RBBP6: variants seen among roughly 807,000 people sequenced by gnomAD.
RBBP6 encodes the protein RB binding protein 6, ubiquitin ligase, also known as E3 ubiquitin-protein ligase RBBP6.
RBBP6 carries 25 observed loss-of-function variants against 167.7 expected under a neutral mutation model. The observed-to-expected ratio is 0.15, with a 90% CI of 0.11 to 0.21. The LOEUF (loss-of-function observed/expected upper bound fraction) is 0.21. Ranked by LOEUF, RBBP6 falls within the 10% of genes least tolerant of loss-of-function variation. RBBP6 has a pLI of 1.00. For missense variants in RBBP6, 1,868 were observed against 2,134.2 expected, an observed-to-expected ratio of 0.88 and a Z score of 2.46; for synonymous variants, 789 against 735.8, an observed-to-expected ratio of 1.07 and a Z score of -1.17.
rs1427665293 is a variant in RBBP6, at chr16:24,571,796, G to A, written c.4730G>A (p.Arg1577Lys). 2 of 1,613,816 alleles carry A rather than the reference G, an allele frequency of 1.2e-6. No individual in the cohort carries two copies. The highest frequency in any genetic ancestry group is 2.7e-5 in the African/African-American group (2 of 74,882). ...KDREKHVLEARNNKESSGNKL... is the reference protein window; with the variant it reads ...KDREKHVLEAKNNKESSGNKL... Reference sequence around the variant, plus strand: ...CGTGAGAAGCATGTATTAGAAGCAAGGAACAATAAAGAGTCAAGTGGCAAT... The same window carrying A: ...CGTGAGAAGCATGTATTAGAAGCAAAGAACAATAAAGAGTCAAGTGGCAAT... The change falls in exon 18 of 18, where the codon AGG becomes AAG. Residue 1577 changes from arginine to lysine, a missense_variant. Coordinates refer to ENST00000319715, the MANE Select transcript of RBBP6 (RefSeq NM_006910.5).
At chr16:24,555,574 G>T (rs1898893802) in intron 4 of RBBP6, 41 bp from the exon 5 acceptor site, 13 of 1,476,476 alleles carry the variant, frequency 8.8e-6, no homozygotes, top group Non-Finnish European at 1.2e-5. Flanking sequence ...GGTCTTAAAT[G>T]TGTTTCTAAT....
intron 3 of RBBP6, among the ~76,000 whole-genome samples, chr16:24,550,909 TAG>T (rs762371862): frequency 5.9e-5 from 9 of 152,000 alleles, no homozygotes; most frequent in Middle Eastern, 3.4e-3. Flanking sequence ...TTAGGAGATT[TAG>T]AGTCACGTGG....
At chr16:24,543,874 T>G (rs1420857347) in intron 1 of RBBP6, among the ~76,000 whole-genome samples, 1 of 152,124 alleles carries the variant, frequency 6.6e-6, no homozygotes, top group Non-Finnish European at 1.5e-5. Context: ...ATTCATTCTG[T>G]TTTTCATTTC....
rs1899265307 is a variant in RBBP6 at position 24,569,198 on chromosome 16, G to GTT, written c.2509_2510insTT (p.Trp837PhefsTer59). 6.2e-7 allele frequency: 1 copy of GTT among 1,613,664 alleles called. No individual in the cohort carries two copies. The highest frequency in any genetic ancestry group is 8.5e-7 in the Non-Finnish European group (1 of 1,179,942). ...GAGAATGGGAGAGAAAATATAGAGA[G>GTT]TGGTATGAAAAATATTATAAAGGTT... On this transcript the variant is annotated frameshift_variant, in exon 17 of 18. Transcript: ENST00000319715. LOFTEE classifies it high-confidence loss of function.
rs1899287806 is a variant in RBBP6 at position 24,570,020 on chromosome 16, G to A, written c.3330G>A (p.Val1110=). The change falls in exon 17 of 18, where the codon GTG becomes GTA. Residue 1110 remains valine (V), a synonymous_variant. Coordinates refer to ENST00000319715, the MANE Select transcript of RBBP6 (RefSeq NM_006910.5). ...CAAAACCAGTCAAAGAGGAAAAAGTGAAGAAGGACTATTCCAAAGATGTCA... is the reference window on the plus strand; with the variant it reads ...CAAAACCAGTCAAAGAGGAAAAAGTAAAGAAGGACTATTCCAAAGATGTCA... ...QETKPVKEEK[V]KKDYSKDVKS... 1.9e-6 allele frequency: 3 copies of A among 1,603,932 alleles called. No individual in the cohort carries two copies. Among genetic ancestry groups the A allele is most frequent in the South Asian group, 2.3e-5 (2 of 88,274 alleles).
At position 24,568,822 on chromosome 16, in the gene RBBP6, G is replaced by T. The variant is rs758145892; in HGVS notation, c.2132G>T (p.Arg711Leu). The T allele has an allele frequency of 6.2e-7, 1 of 1,614,178 alleles. No individual in the cohort carries two copies. The highest frequency in any genetic ancestry group is 1.6e-4 in the Middle Eastern group (1 of 6,062). ...TCTAAATCAAGATCTGGTTCAACAC[G>T]TTCACGCTCTTATTCTCGATCATTC... ...TYSKSRSGSTRSRSYSRSFSR... is the reference protein window; with the variant it reads ...TYSKSRSGSTLSRSYSRSFSR... Residue 711 changes from arginine to leucine, a missense_variant, in exon 17 of 18, where the codon CGT becomes CTT. Around this residue, in one of 7 missense-constraint regions of RBBP6, gnomAD observed 673 missense variants for 691.5 expected, o/e 0.97. Transcript: ENST00000319715.
chr16:24,544,516 A>G (rs1172760003), intron 1 of RBBP6, among the ~76,000 whole-genome samples: 1 of 152,236 alleles, frequency 6.6e-6, no homozygotes, highest in South Asian at 2.1e-4. Flanking sequence ...ATGCCTACAT[A>G]TGTGGTAAGC....
intron 2 of RBBP6, among the ~76,000 whole-genome samples, chr16:24,547,738 G>A (rs1898694402): frequency 6.6e-6 from 1 of 152,170 alleles, no homozygotes; most frequent in South Asian, 2.1e-4. Flanking sequence ...TTACAGGCGT[G>A]AGCCACCGCA....
chr16:24,545,466 GTGTA>G (rs1286430256), intron 1 of RBBP6, among the ~76,000 whole-genome samples: 1 of 152,126 alleles, frequency 6.6e-6, no homozygotes, highest in Non-Finnish European at 1.5e-5. Context: ...ATATAAATCA[GTGTA>G]TGGTCTATAC....
At chr16:24,543,861 C>T (rs374556243) in intron 1 of RBBP6, among the ~76,000 whole-genome samples, 3 of 152,048 alleles carry the variant, frequency 2.0e-5, no homozygotes, top group African/African-American at 2.4e-5. Context: ...CTCCATTTCT[C>T]GGATTCATTC....
At chr16:24,570,815 A>G (rs900002340) in intron 17 of RBBP6, 61 bp from the exon 18 acceptor site, 12 of 1,225,044 alleles carry the variant, frequency 9.8e-6, no homozygotes, top group Non-Finnish European at 1.2e-5. Flanking sequence ...TATATTTATC[A>G]GTGTTTTATA....
In RBBP6 at chr16:24,569,724, C is replaced by A. The variant is rs748695766; in HGVS notation, c.3034C>A (p.Pro1012Thr). 1.2e-5 allele frequency: 19 copies of A among 1,613,762 alleles called. No homozygotes were observed. Among genetic ancestry groups the A allele is most frequent in the Non-Finnish European group, 1.6e-5 (19 of 1,179,982 alleles). Reference protein sequence around the residue: ...SEKDKRERDKPKAKGDKTKRK... With the variant: ...SEKDKRERDKTKAKGDKTKRK... ...AAAAGACAAGAGAGAAAGGGATAAACCAAAAGCAAAGGGTGATAAAACCAA... is the reference window on the plus strand; with the variant it reads ...AAAAGACAAGAGAGAAAGGGATAAAACAAAAGCAAAGGGTGATAAAACCAA... The change falls in exon 17 of 18, where the codon CCA (proline) becomes ACA (threonine). Residue 1012 changes from proline to threonine, a missense_variant. Physicochemically the swap from Pro to Thr is conservative, Grantham distance 38. Transcript: ENST00000319715.
intron 3 of RBBP6, among the ~76,000 whole-genome samples, chr16:24,550,377 T>TG (rs1555472101): frequency 6.6e-6 from 1 of 150,888 alleles, no homozygotes; most frequent in Non-Finnish European, 1.5e-5. Flanking sequence ...TTTTGTTTTT[T>TG]TTTTTTAAGC....
chr16:24,570,323 C>G lies in RBBP6; in HGVS notation c.3633C>G (p.Leu1211=). ...GTGCGCCAGCCAAAAAAATCAAACTCAACAGAGAAACTGGGAAGAAAATTG... is the reference window on the plus strand; with the variant it reads ...GTGCGCCAGCCAAAAAAATCAAACTGAACAGAGAAACTGGGAAGAAAATTG... The part of the protein sequence containing the change: ...SLSAPAKKIK[L]NRETGKKIGS... The change falls in exon 17 of 18, where the codon CTC becomes CTG. Residue 1211 remains leucine, a synonymous_variant. Transcript: ENST00000319715. 1 of 1,611,694 alleles carries G rather than the reference C, an allele frequency of 6.2e-7. No homozygotes were observed. The highest frequency in any genetic ancestry group is 8.5e-7 in the Non-Finnish European group (1 of 1,179,580).
chr16:24,545,948 C>G (rs778236428), intron 1 of RBBP6, among the ~76,000 whole-genome samples: 1 of 152,250 alleles, frequency 6.6e-6, no homozygotes, highest in Non-Finnish European at 1.5e-5. Flanking sequence ...GTGCTAGAGC[C>G]AAGAACCTGC....
At position 24,571,465 on chromosome 16, in the gene RBBP6, T is replaced by A. The variant is rs1567282095; in HGVS notation, c.4399T>A (p.Phe1467Ile). The A allele has an allele frequency of 6.2e-7, 1 of 1,612,882 alleles. No individual in the cohort carries two copies. The highest frequency in any genetic ancestry group is 8.5e-7 in the Non-Finnish European group (1 of 1,179,754). The change falls in exon 18 of 18, where the codon TTC (phenylalanine) becomes ATC (isoleucine). Residue 1467 changes from phenylalanine (F) to isoleucine (I), a missense_variant. By Grantham distance (21) the Phe-to-Ile change is conservative (BLOSUM62 0). Coordinates refer to ENST00000319715, the MANE Select transcript of RBBP6 (RefSeq NM_006910.5). ...CACTCGTGCTTCCTCAAATAAAGACTTCACTCCCAATAGAGACAAAAAAAC... is the reference window on the plus strand; with the variant it reads ...CACTCGTGCTTCCTCAAATAAAGACATCACTCCCAATAGAGACAAAAAAAC... The part of the protein sequence containing the change: ...DSTRASSNKD[F>I]TPNRDKKTDY...
rs199883011 is a variant in RBBP6, at chr16:24,561,922, T to G, written c.1050T>G (p.Ile350Met). ...PPPIPPPRPL[I>M]QRNLQPLMRS... is the part of the protein sequence containing the mutation. ...CAATACCACCTCCGAGACCACTGATTCAGAGGAACCTACAACCTCTGATGA... is the reference window on the plus strand; with the variant it reads ...CAATACCACCTCCGAGACCACTGATGCAGAGGAACCTACAACCTCTGATGA... The change falls in exon 10 of 18, where the codon ATT becomes ATG. Residue 350 changes from isoleucine to methionine, a missense_variant. Physicochemically the swap from Ile to Met is conservative, Grantham distance 10. Coordinates refer to ENST00000319715, the MANE Select transcript of RBBP6 (RefSeq NM_006910.5). The G allele has an allele frequency of 8.1e-6, 13 of 1,613,650 alleles. No individual in the cohort carries two copies. In the East Asian group the frequency reaches 2.0e-4, roughly 25 times the overall value.
At chr16:24,549,425 T>G in intron 3 of RBBP6, 1 of 965,116 alleles carries the variant, frequency 1.0e-6, no homozygotes, top group Non-Finnish European at 1.2e-6. Flanking sequence ...TCACGTTGTA[T>G]CACTTAGTTT....
chr16:24,558,068 C>A (rs1898961344), intron 7 of RBBP6, among the ~76,000 whole-genome samples: 1 of 152,176 alleles, frequency 6.6e-6, no homozygotes, highest in Admixed American at 6.5e-5. Flanking sequence ...TTCCAAATAA[C>A]TTTAGCTTGA....
Sources: gnomAD v4.1 joint callset for allele counts (sites outside exome capture counted in the v4.1 genomes callset) on GRCh38, gnomAD v4.1.1 for gene constraint, gnomAD v4.1.1 regional missense constraint, MANE v1.5 for transcripts, NCBI Gene and HGNC (gene_info 2026-07-23, HGNC 2026-07-21) for gene names.